CA10: variants seen among roughly 807,000 people sequenced by gnomAD.
The protein encoded by CA10 is carbonic anhydrase 10 (inactive).
Under a neutral mutation model 44.2 loss-of-function variants are expected in CA10, and 14 were observed. That is an observed-to-expected ratio of 0.32 (90% CI 0.21 to 0.50). CA10 has a LOEUF of 0.50. Ranked by LOEUF, CA10 falls within the 20% of genes least tolerant of loss-of-function variation. The probability of loss-of-function intolerance (pLI) is 0.99; values close to 1 mark genes in which losing one functional copy is unlikely to be tolerated. For missense variants in CA10, 350 were observed against 409.7 expected, an observed-to-expected ratio of 0.85 and a Z score of 1.26; for synonymous variants, 159 against 141.6, an observed-to-expected ratio of 1.12 and a Z score of -0.87.
chr17:51,908,959 A>G (rs1981678863), intron 3 of CA10, among the ~76,000 whole-genome samples: 1 of 152,182 alleles, frequency 6.6e-6, no homozygotes, highest in South Asian at 2.1e-4. Flanking sequence ...CTCTCACTGA[A>G]TAAAATGTCC....
At chr17:52,109,660 A>G (rs1314210442) in intron 1 of CA10, among the ~76,000 whole-genome samples, 1 of 152,236 alleles carries the variant, frequency 6.6e-6, no homozygotes, top group Non-Finnish European at 1.5e-5. Flanking sequence ...GTTTAATGCA[A>G]GTCACATTCA....
chr17:51,897,940 G>C (rs547088869), intron 3 of CA10, among the ~76,000 whole-genome samples: 2 of 152,226 alleles, frequency 1.3e-5, no homozygotes, highest in East Asian at 1.9e-4. Context: ...TGCTGAAGTT[G>C]TTTATCAGAT....
At chr17:51,941,009 G>A (rs539245098) in intron 2 of CA10, among the ~76,000 whole-genome samples, 1 of 152,218 alleles carries the variant, frequency 6.6e-6, no homozygotes, top group African/African-American at 2.4e-5. Context: ...CAGAAAGAAG[G>A]TAGATTTACA....
chr17:52,056,346 T>C (rs1987230306), intron 2 of CA10, among the ~76,000 whole-genome samples: 1 of 151,966 alleles, frequency 6.6e-6, no homozygotes, highest in Non-Finnish European at 1.5e-5. Flanking sequence ...TAAGTCACCA[T>C]GGCGTCTATT....
intron 3 of CA10, among the ~76,000 whole-genome samples, chr17:51,836,867 G>A (rs1908497162): frequency 6.6e-6 from 1 of 152,170 alleles, no homozygotes; most frequent in South Asian, 2.1e-4. Flanking sequence ...TTGAGTATAA[G>A]AGAGAGAAAG....
intron 3 of CA10, among the ~76,000 whole-genome samples, chr17:51,899,124 T>C (rs1049832658): frequency 6.6e-6 from 1 of 152,046 alleles, no homozygotes; most frequent in African/African-American, 2.4e-5. Context: ...GTTCCTCTAG[T>C]TGAGATGTTA....
At chr17:51,838,411 CA>C (rs940442748) in intron 3 of CA10, among the ~76,000 whole-genome samples, 1 of 152,204 alleles carries the variant, frequency 6.6e-6, no homozygotes, top group Non-Finnish European at 1.5e-5. Context: ...CATTTGCCTC[CA>C]ACCCCCCACC....
At chr17:51,952,109 A>C (rs1195099989) in intron 2 of CA10, among the ~76,000 whole-genome samples, 1 of 152,212 alleles carries the variant, frequency 6.6e-6, no homozygotes, top group African/African-American at 2.4e-5. Flanking sequence ...AGAATAGAAC[A>C]GCTTGCATGA....
intron 4 of CA10, among the ~76,000 whole-genome samples, chr17:51,655,024 G>T (rs368081821): frequency 6.6e-6 from 1 of 151,790 alleles, no homozygotes; most frequent in African/African-American, 2.4e-5. Flanking sequence ...CACACATAGC[G>T]TATAAAAAAT....
intron 3 of CA10, among the ~76,000 whole-genome samples, chr17:51,838,399 C>T (rs927339831): frequency 3.3e-5 from 5 of 152,316 alleles, no homozygotes; most frequent in Non-Finnish European, 4.4e-5. Flanking sequence ...TAAATCAACA[C>T]ACATTTGCCT....
At chr17:51,879,602 A>T (rs773261804) in intron 3 of CA10, among the ~76,000 whole-genome samples, 1 of 152,222 alleles carries the variant, frequency 6.6e-6, no homozygotes, top group Non-Finnish European at 1.5e-5. Context: ...ACGTTGAGAA[A>T]CTTCTGAATG....
At chr17:51,923,057 G>A (rs1982292823) in intron 3 of CA10, among the ~76,000 whole-genome samples, 1 of 152,140 alleles carries the variant, frequency 6.6e-6, no homozygotes, top group Admixed American at 6.6e-5. Context: ...AAGATCTGCT[G>A]TATCCCACAA....
chr17:51,837,253 C>G (rs1908520203), intron 3 of CA10, among the ~76,000 whole-genome samples: 1 of 152,164 alleles, frequency 6.6e-6, no homozygotes, highest in African/African-American at 2.4e-5. Flanking sequence ...CACAGCTTTC[C>G]TTTGCAAGTC....
Position 52,041,284 on chromosome 17 carries a change from C to A in CA10, c.136+31035G>T, listed in dbSNP as rs139545277. 8.2e-3 allele frequency among the ~76,000 whole-genome samples: 1,240 copies of A among 152,054 alleles called. 12 individuals are homozygous for A. Among genetic ancestry groups the A allele is most frequent in the African/African-American group, 0.027 (1,103 of 41,504 alleles). On this transcript the variant is annotated intron_variant, in intron 2 of 8. Transcript: ENST00000451037. ...GATAACCTGTGCCCAGGAGAAAAAC[C>A]AATCAATGGCAACAAAAGCAGAAAC...
intron 4 of CA10, among the ~76,000 whole-genome samples, chr17:51,682,880 T>C (rs1914891227): frequency 6.6e-6 from 1 of 152,164 alleles, no homozygotes. Context: ...CATCATTCCA[T>C]TTAATTCACA....
intron 4 of CA10, 137 bp downstream of exon 4, chr17:51,747,496 G>C: frequency 1.5e-6 from 1 of 668,534 alleles, no homozygotes; most frequent in Non-Finnish European, 2.5e-6. Context: ...AAAGACAGAT[G>C]GAGAAAGAAG....
At chr17:51,858,424 T>C (rs570330950) in intron 3 of CA10, among the ~76,000 whole-genome samples, 2 of 152,294 alleles carry the variant, frequency 1.3e-5, no homozygotes, top group Non-Finnish European at 1.5e-5. Context: ...CAATTTTCAG[T>C]GTTTTCCTGA....
At chr17:51,964,607 C>T (rs1984011266) in intron 2 of CA10, among the ~76,000 whole-genome samples, 1 of 151,564 alleles carries the variant, frequency 6.6e-6, no homozygotes, top group Admixed American at 6.6e-5. Context: ...CAAGAAAATC[C>T]CCTGCCCCCA....
At chr17:51,930,379 C>T (rs1377721797) in intron 3 of CA10, among the ~76,000 whole-genome samples, 3 of 151,984 alleles carry the variant, frequency 2.0e-5, no homozygotes, top group African/African-American at 4.8e-5. Flanking sequence ...ACCCAATGGG[C>T]ACTTGTGCCC....
Sources: gnomAD v4.1 joint callset for allele counts (sites outside exome capture counted in the v4.1 genomes callset) on GRCh38, gnomAD v4.1.1 for gene constraint, MANE v1.5 for transcripts, NCBI Gene and HGNC (gene_info 2026-07-23, HGNC 2026-07-21) for gene names.